The following MIPEP variants were observed in gnomAD, a reference collection of about 807,000 sequenced individuals.
MIPEP encodes the protein mitochondrial intermediate peptidase.
MIPEP carries 79 observed loss-of-function variants against 90.3 expected under a neutral mutation model. That is an observed-to-expected ratio of 0.87 (90% CI 0.73 to 1.05). The LOEUF (loss-of-function observed/expected upper bound fraction) is 1.05. Ranked by LOEUF, MIPEP falls within the 50% of genes least tolerant of loss-of-function variation. MIPEP has a pLI of 0.00. For missense variants in MIPEP, 940 were observed against 905.6 expected (o/e 1.04, Z -0.49); for synonymous variants, 334 against 315.8 (o/e 1.06, Z -0.61).
At position 23,836,190 on chromosome 13, in the gene MIPEP, C is replaced by T. The variant is rs187850219; in HGVS notation, c.1653+50G>A. On this transcript the variant is annotated intron_variant, in intron 14 of 18. Transcript: ENST00000382172. ...TTCAATTTATCCAGGATGTCATAAA[C>T]GCCAACTATCACAACCCAAAGGACA... The T allele has an allele frequency of 1.6e-4, 199 of 1,207,298 alleles. 1 individual carries two copies. In the African/African-American group the frequency reaches 2.8e-3, roughly 17 times the overall value. The allele number at this position is 1,207,298 out of a possible 1,614,324, so 74.8% of individuals were successfully genotyped here.
intron 14 of MIPEP, among the ~76,000 whole-genome samples, chr13:23,821,061 G>A (rs1953299805): frequency 6.6e-6 from 1 of 152,184 alleles, no homozygotes; most frequent in South Asian, 2.1e-4. Context: ...CCACAGTGAA[G>A]AGGGAGATTC....
intron 16 of MIPEP, among the ~76,000 whole-genome samples, chr13:23,788,438 C>A (rs1952869634): frequency 6.6e-6 from 1 of 152,190 alleles, no homozygotes; most frequent in Non-Finnish European, 1.5e-5. Context: ...CTCAAGACCT[C>A]CACCAACTGG....
intron 7 of MIPEP, 32 bp from the exon 8 acceptor site, chr13:23,864,221 A>G: frequency 7.1e-7 from 1 of 1,401,126 alleles, no homozygotes; most frequent in Non-Finnish European, 9.8e-7. Context: ...AATATCTTCA[A>G]TTATGTGAAA....
At position 23,763,471 on chromosome 13, in the gene MIPEP, T is replaced by C. The variant is rs143031085; in HGVS notation, c.1849-3254A>G. Among the ~76,000 whole-genome samples, 1,089 of 152,318 alleles carry C rather than the reference T, an allele frequency of 7.1e-3. 5 individuals carry two copies. The highest frequency in any genetic ancestry group is 0.014 in the Middle Eastern group (4 of 294). On this transcript the variant is annotated intron_variant, in intron 16 of 18. Coordinates refer to ENST00000382172, the MANE Select transcript of MIPEP (RefSeq NM_005932.4). ...AGAACTAGTTTGGCAGCCTTTGCAG[T>C]ATAGAGCAGAGTTTAATTCTGTTTA...
At chr13:23,760,400 CTG>C in intron 16 of MIPEP, 183 bp from the exon 17 acceptor site, 1 of 805,606 alleles carries the variant, frequency 1.2e-6, no homozygotes, top group South Asian at 1.4e-5. Flanking sequence ...TAGGGCTGAA[CTG>C]TGTCTCCTGA....
At chr13:23,740,214 G>A (rs1281386662) in intron 18 of MIPEP, among the ~76,000 whole-genome samples, 2 of 152,152 alleles carry the variant, frequency 1.3e-5, no homozygotes, top group African/African-American at 2.4e-5. Flanking sequence ...GCCAACAAAT[G>A]AGGAAGCTCT....
In MIPEP at chr13:23,886,343, A is replaced by T. The variant is rs1431665186; in HGVS notation, c.353T>A (p.Val118Glu). Residue 118 changes from valine (V) to glutamate (E), a missense_variant, in exon 2 of 19, where the codon GTG becomes GAG. Coordinates refer to ENST00000382172, the MANE Select transcript of MIPEP (RefSeq NM_005932.4). ...FDELSDSLCRVADLADFVKIA... is the reference protein window; with the variant it reads ...FDELSDSLCREADLADFVKIA... ...GGTAAAGCACCTTACCAAGTCGGCC[A>T]CTCTGCATAAGGAATCCGAGAGCTC... 7.1e-6 allele frequency: 11 copies of T among 1,541,950 alleles called. No individual in the cohort carries two copies. Among genetic ancestry groups the T allele is most frequent in the Non-Finnish European group, 9.6e-6 (11 of 1,143,570 alleles).
In MIPEP at chr13:23,810,168, GGAAC is replaced by G. The variant is rs200414837; in HGVS notation, c.1654-248_1654-245del. On this transcript the variant is annotated intron_variant, in intron 14 of 18. Coordinates refer to ENST00000382172, the MANE Select transcript of MIPEP (RefSeq NM_005932.4). ...TGTACATGAAAATACAGGATTACGT[GGAAC>G]TAAGACACTGGCGCCGATCTTTAAA... Among the ~76,000 whole-genome samples the G allele has an allele frequency of 8.9e-4, 135 of 152,244 alleles. 1 individual carries two copies. The East Asian group carries it at 0.023, about 26-fold the overall frequency.
At chr13:23,779,373 T>C (rs557696026) in intron 16 of MIPEP, among the ~76,000 whole-genome samples, 1 of 152,184 alleles carries the variant, frequency 6.6e-6, no homozygotes, top group Admixed American at 6.5e-5. Context: ...AACTTCCTTA[T>C]GTATCAGTGA....
chr13:23,836,544 A>G (rs1011476342), intron 13 of MIPEP, among the ~76,000 whole-genome samples, 195 bp from the exon 14 acceptor site: 5 of 152,206 alleles, frequency 3.3e-5, no homozygotes. Context: ...ATTTTCCTTT[A>G]TATCAAAATT....
intron 16 of MIPEP, among the ~76,000 whole-genome samples, chr13:23,805,565 G>C (rs1198964930): frequency 6.6e-6 from 1 of 152,088 alleles, no homozygotes; most frequent in Non-Finnish European, 1.5e-5. Context: ...ATAATTCCTG[G>C]TACAATGTAA....
At chr13:23,806,368 A>C (rs957952726) in intron 15 of MIPEP, among the ~76,000 whole-genome samples, 1 of 152,202 alleles carries the variant, frequency 6.6e-6, no homozygotes, top group East Asian at 1.9e-4. Flanking sequence ...ACAAAACTGG[A>C]ATTTTGCCAA....
At chr13:23,797,472 A>G (rs1952975787) in intron 16 of MIPEP, among the ~76,000 whole-genome samples, 1 of 152,124 alleles carries the variant, frequency 6.6e-6, no homozygotes, top group Non-Finnish European at 1.5e-5. Flanking sequence ...ACCCCCACAG[A>G]TGGCTCATTT....
Position 23,869,436 on chromosome 13 carries a change from C to A in MIPEP, c.799G>T (p.Ala267Ser). ...ESPDDLVREAAYKIFLYPNAG... is the reference protein window; with the variant it reads ...ESPDDLVREASYKIFLYPNAG... The stretch of plus-strand genomic sequence containing the variant: ...TTGGGATAAAGAAAAATTTTATAAG[C>A]AGCTTCTCGCACCTACGTTTAAAAA... Residue 267 changes from alanine (A) to serine (S), a missense_variant, in exon 7 of 19, where the codon GCT becomes TCT. Transcript: ENST00000382172. 2 of 1,605,182 alleles carry A rather than the reference C, an allele frequency of 1.2e-6. No individual in the cohort carries two copies. The highest frequency in any genetic ancestry group is 1.7e-6 in the Non-Finnish European group (2 of 1,177,528).
rs1566013186 is a variant in MIPEP at position 23,839,730 on chromosome 13, G to C, written c.1261-4C>G. On this transcript the variant is annotated splice_region_variant and splice_polypyrimidine_tract_variant and intron_variant, in intron 11 of 18. Transcript: ENST00000382172. The stretch of plus-strand genomic sequence containing the variant: ...CTTCAGATTCATGAACAACAGCCTA[G>C]AAAAAAAAATTTAAATTTGGTGGTA... The C allele has an allele frequency of 6.3e-7, 1 of 1,594,270 alleles. No homozygotes were observed. The highest frequency in any genetic ancestry group is 1.1e-5 in the South Asian group (1 of 87,620).
intron 16 of MIPEP, among the ~76,000 whole-genome samples, chr13:23,788,890 T>C (rs1952874365): frequency 6.6e-6 from 1 of 152,214 alleles, no homozygotes; most frequent in Non-Finnish European, 1.5e-5. Context: ...TGAACAAATA[T>C]AAAATTATCT....
At chr13:23,845,966 G>A (rs143654888) in intron 10 of MIPEP, among the ~76,000 whole-genome samples, 32 of 150,018 alleles carry the variant, frequency 2.1e-4, no homozygotes, top group African/African-American at 5.7e-4. Context: ...TCACCCAGGC[G>A]TGCAGTGGCA....
intron 5 of MIPEP, among the ~76,000 whole-genome samples, chr13:23,874,489 T>TA (rs1417691177): frequency 6.6e-6 from 1 of 152,224 alleles, no homozygotes; most frequent in Admixed American, 6.5e-5. Flanking sequence ...TAAATACACT[T>TA]ATGTAAGGTC....
intron 16 of MIPEP, among the ~76,000 whole-genome samples, chr13:23,788,544 C>T (rs992808690): frequency 2.0e-5 from 3 of 152,176 alleles, no homozygotes; most frequent in Non-Finnish European, 4.4e-5. Flanking sequence ...ATCACTTCTG[C>T]TCACATTTCT....
Sources: gnomAD v4.1 joint callset for allele counts (sites outside exome capture counted in the v4.1 genomes callset) on GRCh38, gnomAD v4.1.1 for gene constraint, MANE v1.5 for transcripts, NCBI Gene and HGNC (gene_info 2026-07-23, HGNC 2026-07-21) for gene names.